The following ROR2 variants were observed in gnomAD, a reference collection of about 807,000 sequenced individuals.
The protein encoded by ROR2 is ROR family WNT receptor 2, also known as tyrosine-protein kinase transmembrane receptor ROR2.
Under a neutral mutation model 74.9 loss-of-function variants are expected in ROR2, and 33 were observed. The ratio of observed to expected loss-of-function variants is 0.44; its 90% CI spans 0.33 to 0.59. ROR2 has a LOEUF of 0.59. Among genes scored for constraint, ROR2 ranks in the 20% least tolerant of loss-of-function variants. The pLI is 0.02. For synonymous variants in ROR2, 586 were observed against 558.7 expected (o/e 1.05, Z -0.69); for missense variants, 1,216 against 1,313.8 (o/e 0.93, Z 1.15).
At chr9:91,922,102 A>G (rs114882686) in intron 1 of ROR2, among the ~76,000 whole-genome samples, 2,722 of 127,720 alleles carry the variant, frequency 0.021, 77 homozygotes, top group African/African-American at 0.066. Flanking sequence ...AACAACAGCA[A>G]CAACAACAAC....
intron 1 of ROR2, among the ~76,000 whole-genome samples, chr9:91,893,015 G>C (rs1830460801): frequency 6.6e-6 from 1 of 152,168 alleles, no homozygotes; most frequent in South Asian, 2.1e-4. Context: ...GAAGTGAAAA[G>C]TCCACCTGTG....
chr9:91,947,026 TAAGA>T (rs1832029573), intron 1 of ROR2, among the ~76,000 whole-genome samples: 1 of 152,070 alleles, frequency 6.6e-6, no homozygotes, highest in African/African-American at 2.4e-5. Context: ...AAACCACACT[TAAGA>T]GAGAGACATA....
At chr9:91,754,879 T>C (rs1825696950) in intron 4 of ROR2, among the ~76,000 whole-genome samples, 1 of 152,154 alleles carries the variant, frequency 6.6e-6, no homozygotes, top group Admixed American at 6.5e-5. Context: ...AGGTCAGGTG[T>C]GGTGGCACAC....
At chr9:91,923,206 G>T (rs1274490233) in intron 1 of ROR2, among the ~76,000 whole-genome samples, 1 of 152,220 alleles carries the variant, frequency 6.6e-6, no homozygotes, top group Non-Finnish European at 1.5e-5. Flanking sequence ...TGGCCAAAAT[G>T]CTGGGGATGA....
At chr9:91,858,854 G>C (rs1217657321) in intron 1 of ROR2, among the ~76,000 whole-genome samples, 4 of 152,170 alleles carry the variant, frequency 2.6e-5, no homozygotes, top group Non-Finnish European at 5.9e-5. Flanking sequence ...GAGGTTTACA[G>C]AAAGGTTAAG....
At chr9:91,758,630 G>C (rs945749759) in intron 2 of ROR2, among the ~76,000 whole-genome samples, 4 of 152,194 alleles carry the variant, frequency 2.6e-5, no homozygotes, top group African/African-American at 9.6e-5. Context: ...CCAGAATGGG[G>C]AGTGAGTGGG....
chr9:91,890,471 C>CA (rs1830397382), intron 1 of ROR2, among the ~76,000 whole-genome samples: 1 of 152,198 alleles, frequency 6.6e-6, no homozygotes, highest in African/African-American at 2.4e-5. Flanking sequence ...GTAGACGCTG[C>CA]ACTCCTTATT....
chr9:91,874,641 C>A (rs1587809489), intron 1 of ROR2, among the ~76,000 whole-genome samples: 1 of 152,212 alleles, frequency 6.6e-6, no homozygotes, highest in African/African-American at 2.4e-5. Context: ...GTACTATAAG[C>A]AAGAAAGACA....
At chr9:91,796,754 C>T (rs1259881979) in intron 1 of ROR2, among the ~76,000 whole-genome samples, 1 of 148,054 alleles carries the variant, frequency 6.8e-6, no homozygotes, top group Non-Finnish European at 1.5e-5. Flanking sequence ...GGGGCTGACA[C>T]CCTGCATTCT....
rs1367211390 is a variant in ROR2, at chr9:91,829,579, C to T, written c.98-53761G>A. 1.1e-4 allele frequency among the ~76,000 whole-genome samples: 10 copies of T among 92,592 alleles called. No individual in the cohort carries two copies. The East Asian group carries it at 2.0e-3, about 19-fold the overall frequency. 60.7% of individuals were successfully genotyped at this position (92,592 alleles called of 152,430 possible). ...AAAAAAAAAAAAAAAAAAAAGCACA[C>T]ATCTCAAAGAAGGCTGTGAGCTCAG... On this transcript the variant is annotated intron_variant, in intron 1 of 8. Coordinates refer to ENST00000375708, the MANE Select transcript of ROR2 (RefSeq NM_004560.4).
chr9:91,949,873 T>C lies in ROR2; in HGVS notation c.91A>G (p.Thr31Ala). Residue 31 changes from threonine (T) to alanine (A), a missense_variant, in exon 1 of 9, where the codon ACT becomes GCT. Thr to Ala is a moderately conservative substitution (Grantham distance 58). Coordinates refer to ENST00000375708, the MANE Select transcript of ROR2 (RefSeq NM_004560.4). ...AAALLLSVSR[T>A]SGEVEVLDPN... Reference sequence around the variant, plus strand: ...CCGGAACGCCAGATCCTACCTGAAGTCCGGGACACTGAGAGCAGAAGCGCG... The same window carrying C: ...CCGGAACGCCAGATCCTACCTGAAGCCCGGGACACTGAGAGCAGAAGCGCG... 6.5e-7 allele frequency: 1 copy of C among 1,537,542 alleles called. No individual in the cohort carries two copies. Among genetic ancestry groups the C allele is most frequent in the Non-Finnish European group, 8.8e-7 (1 of 1,137,832 alleles).
chr9:91,770,341 A>C (rs1268914198), intron 2 of ROR2, among the ~76,000 whole-genome samples: 1 of 152,204 alleles, frequency 6.6e-6, no homozygotes, highest in Non-Finnish European at 1.5e-5. Flanking sequence ...CATTCCTCAT[A>C]ATCTTTACCC....
intron 2 of ROR2, among the ~76,000 whole-genome samples, chr9:91,766,283 A>G (rs1366440978): frequency 1.3e-5 from 2 of 152,188 alleles, no homozygotes; most frequent in Admixed American, 6.5e-5. Context: ...GGACCTAGGA[A>G]AATTGGGCTG....
chr9:91,837,076 T>G (rs1828630425), intron 1 of ROR2, among the ~76,000 whole-genome samples: 1 of 152,180 alleles, frequency 6.6e-6, no homozygotes, highest in Non-Finnish European at 1.5e-5. Context: ...ACTTTAAAAG[T>G]TCACTCGAGA....
intron 1 of ROR2, among the ~76,000 whole-genome samples, chr9:91,923,034 C>CCT (rs928125720): frequency 3.9e-5 from 6 of 152,060 alleles, no homozygotes; most frequent in African/African-American, 1.4e-4. Context: ...ATACATAAAG[C>CCT]CTCTCCCTCA....
intron 1 of ROR2, among the ~76,000 whole-genome samples, chr9:91,834,168 G>C (rs10992126): frequency 6.6e-6 from 1 of 151,986 alleles, no homozygotes; most frequent in South Asian, 2.1e-4. Context: ...AAAAGGCACA[G>C]CCTGGCTCAG....
At chr9:91,776,810 C>T (rs1826434071) in intron 1 of ROR2, among the ~76,000 whole-genome samples, 1 of 149,662 alleles carries the variant, frequency 6.7e-6, no homozygotes, top group South Asian at 2.2e-4. Context: ...AACATACTTG[C>T]ACTATATACA....
chr9:91,937,351 G>A (rs886835053), intron 1 of ROR2, among the ~76,000 whole-genome samples: 1 of 152,000 alleles, frequency 6.6e-6, no homozygotes, highest in Non-Finnish European at 1.5e-5. Context: ...TCCCCTCGTG[G>A]GGAGTCTGCA....
intron 1 of ROR2, among the ~76,000 whole-genome samples, chr9:91,790,107 TG>T (rs1467866493): frequency 1.3e-5 from 2 of 152,212 alleles, no homozygotes; most frequent in Admixed American, 6.5e-5. Context: ...ACAATGGAGC[TG>T]GAAAATTCTT....
Sources: allele counts gnomAD v4.1 joint callset (sites outside exome capture counted in the v4.1 genomes callset), GRCh38; gene constraint gnomAD v4.1.1; transcripts MANE v1.5; gene names NCBI Gene and HGNC (gene_info 2026-07-23, HGNC 2026-07-21).